DSG4: variants seen among roughly 807,000 people sequenced by gnomAD.
DSG4 encodes the protein desmoglein 4.
DSG4 carries 87 observed loss-of-function variants against 93.1 expected under a neutral mutation model. The ratio of observed to expected loss-of-function variants is 0.93; its 90% CI spans 0.79 to 1.12. DSG4 has a LOEUF of 1.12. DSG4 is among the 50% of genes most tolerant of loss of function. The pLI is 0.00. For missense variants in DSG4, 1,373 were observed against 1,285.7 expected, an observed-to-expected ratio of 1.07 and a Z score of -1.04; for synonymous variants, 432 against 452.9, an observed-to-expected ratio of 0.95 and a Z score of 0.59.
Position 31,413,101 on chromosome 18 carries a change from G to A in DSG4, c.2629G>A (p.Val877Ile). 1 of 1,614,096 alleles carries A rather than the reference G, an allele frequency of 6.2e-7. No homozygotes were observed. Among genetic ancestry groups the A allele is most frequent in the Non-Finnish European group, 8.5e-7 (1 of 1,180,020 alleles). ...CCCTTTGCTCGGACCTAATTACTTT[G>A]TTAATGAATCTTCAGGATTGACTCC... ...DLPLLGPNYF[V>I]NESSGLTPSE... The change falls in exon 16 of 16, where the codon GTT (valine) becomes ATT (isoleucine). Residue 877 changes from valine to isoleucine, a missense_variant. Val to Ile is a conservative substitution (Grantham distance 29, BLOSUM62 3). Coordinates refer to ENST00000308128, the MANE Select transcript of DSG4 (RefSeq NM_177986.5).
intron 8 of DSG4, 144 bp downstream of exon 8, chr18:31,392,484 G>C: frequency 1.1e-6 from 1 of 876,510 alleles, no homozygotes; most frequent in South Asian, 1.5e-5. Flanking sequence ...CTAAGTAACT[G>C]CTATGTCAGT....
At chr18:31,403,691 C>G in intron 11 of DSG4, 57 bp downstream of exon 11, 1 of 1,520,420 alleles carries the variant, frequency 6.6e-7, no homozygotes, top group African/African-American at 1.4e-5. Context: ...AAACAATTAC[C>G]AAAAAATGTG....
chr18:31,394,405 C>G (rs1309690389), intron 8 of DSG4, among the ~76,000 whole-genome samples: 2 of 152,070 alleles, frequency 1.3e-5, no homozygotes, highest in African/African-American at 4.8e-5. Flanking sequence ...TGGAGAAACC[C>G]CATCTCTACT....
intron 15 of DSG4, among the ~76,000 whole-genome samples, chr18:31,411,819 G>T (rs2072497324): frequency 6.6e-6 from 1 of 152,044 alleles, no homozygotes; most frequent in Non-Finnish European, 1.5e-5. Context: ...TGTTTTTGAT[G>T]TCCTTCATGT....
Position 31,413,500 on chromosome 18 carries a change from G to A in DSG4, c.3028G>A (p.Asp1010Asn), listed in dbSNP as rs2072522286. ...TCAAGTGATGCAAATGATGAGTCCA[G>A]ACCTTCCCATAGGCCAAACCGTTGG... is the stretch of plus-strand genomic sequence containing the variant. ...EIQVMQMMSP[D>N]LPIGQTVGST... is the part of the protein sequence containing the mutation. Residue 1010 changes from aspartate (D) to asparagine (N), a missense_variant, in exon 16 of 16, where the codon GAC becomes AAC. Transcript: ENST00000308128. 1 of 1,613,852 alleles carries A rather than the reference G, an allele frequency of 6.2e-7. No individual in the cohort carries two copies. Among genetic ancestry groups the A allele is most frequent in the South Asian group, 1.1e-5 (1 of 91,038 alleles).
At chr18:31,382,606 A>G (rs985275191) in intron 1 of DSG4, among the ~76,000 whole-genome samples, 2 of 152,050 alleles carry the variant, frequency 1.3e-5, no homozygotes, top group Non-Finnish European at 2.9e-5. Context: ...TTTCCTAGAA[A>G]GTGAGGGCTC....
At position 31,383,216 on chromosome 18, in the gene DSG4, A is replaced by G. The variant is rs183728788; in HGVS notation, c.49-1920A>G. The stretch of plus-strand genomic sequence containing the variant: ...TATTTGGATCAGAGTCTGAAACAGG[A>G]AGAAGCCAGGGGATTTGTCCAAAGC... On this transcript the variant is annotated intron_variant, in intron 1 of 15. Transcript: ENST00000308128. Among the ~76,000 whole-genome samples the G allele has an allele frequency of 2.3e-4, 35 of 152,324 alleles. 1 individual carries two copies. In the South Asian group the frequency reaches 5.6e-3, roughly 24 times the overall value.
intron 12 of DSG4, 26 bp from the exon 13 acceptor site, chr18:31,409,426 C>T (rs370780403): frequency 1.2e-6 from 2 of 1,613,888 alleles, no homozygotes; most frequent in Admixed American, 3.3e-5. Flanking sequence ...TGTGTGTTAA[C>T]TCGACATTGT....
intron 4 of DSG4, 129 bp downstream of exon 4, chr18:31,388,651 G>A: frequency 7.4e-7 from 1 of 1,355,708 alleles, no homozygotes; most frequent in Non-Finnish European, 1.0e-6. Context: ...AAGACTTGAA[G>A]GAATGGAAAG....
At chr18:31,380,085 CAG>C (rs2072118054) in intron 1 of DSG4, among the ~76,000 whole-genome samples, 1 of 152,076 alleles carries the variant, frequency 6.6e-6, no homozygotes, top group African/African-American at 2.4e-5. Flanking sequence ...CAAATTCCTG[CAG>C]AGTCCATGGG....
rs1269534218 is a variant in DSG4 at position 31,388,465 on chromosome 18, C to T, written c.315C>T (p.Arg105=). 4 of 1,613,592 alleles carry T rather than the reference C, an allele frequency of 2.5e-6. No individual in the cohort carries two copies. The East Asian group carries it at 6.7e-5, about 27-fold the overall frequency. Reference sequence around the variant, plus strand: ...ATGGGGTATTCACCATTAATCCTCGCACTGGGGAAATTAACATCACTTCAG... The same window carrying T: ...ATGGGGTATTCACCATTAATCCTCGTACTGGGGAAATTAACATCACTTCAG... ...PPYGVFTINP[R]TGEINITSVV... is the part of the protein sequence containing the mutation. Residue 105 remains arginine, a synonymous_variant, in exon 4 of 16, where the codon CGC becomes CGT. Coordinates refer to ENST00000308128, the MANE Select transcript of DSG4 (RefSeq NM_177986.5).
In DSG4 at chr18:31,414,435, G is replaced by T. The variant is rs770059201; in HGVS notation, c.*840G>T. 3 of 152,034 alleles carry T rather than the reference G, an allele frequency of 2.0e-5. No homozygotes were observed. The highest frequency in any genetic ancestry group is 7.2e-5 in the African/African-American group (3 of 41,394). The allele number at this position is 152,034 out of a possible 1,614,324, so 9.4% of individuals were successfully genotyped here. A position where few individuals can be genotyped will look rare whatever the true frequency, so the allele number is the denominator to read the frequency against. On this transcript the variant is annotated 3_prime_UTR_variant, in exon 16 of 16. Transcript: ENST00000308128. ...TTAACCAATTTCATTGACCTGAATC[G>T]TAGAGCTTTCAATTGGCAACCAGAT...
intron 9 of DSG4, 28 bp from the exon 10 acceptor site, chr18:31,400,850 CATG>C (rs746785536): frequency 2.5e-6 from 4 of 1,608,290 alleles, no homozygotes; most frequent in Admixed American, 1.7e-5. Flanking sequence ...TTCATAAAAG[CATG>C]ATAACGAACT....
intron 14 of DSG4, chr18:31,411,027 A>T: frequency 1.4e-6 from 2 of 1,440,718 alleles, no homozygotes; most frequent in Non-Finnish European, 1.9e-6. Context: ...CCCACCACTG[A>T]CTCCCTCTGT....
chr18:31,407,717 G>A (rs1459990801), intron 12 of DSG4, among the ~76,000 whole-genome samples: 1 of 152,208 alleles, frequency 6.6e-6, no homozygotes, highest in African/African-American at 2.4e-5. Context: ...AGGTTTCAAA[G>A]CTATGCAAAG....
chr18:31,393,321 T>C (rs2072269826), intron 8 of DSG4, among the ~76,000 whole-genome samples: 1 of 152,204 alleles, frequency 6.6e-6, no homozygotes, highest in Admixed American at 6.5e-5. Flanking sequence ...TGTGTTACCA[T>C]AAAGTAATAG....
At chr18:31,412,322 C>A (rs543165903) in intron 15 of DSG4, among the ~76,000 whole-genome samples, 4 of 152,046 alleles carry the variant, frequency 2.6e-5, no homozygotes, top group African/African-American at 4.8e-5. Flanking sequence ...AAGGAAAAAC[C>A]GAACTCATGG....
At position 31,413,029 on chromosome 18, in the gene DSG4, G is replaced by C. The variant is rs1208795755; in HGVS notation, c.2557G>C (p.Glu853Gln). ...LAEICLNTEI[E>Q]PFPSHQACIP... ...TGAGATCTGCTTAAACACAGAAATT[G>C]AACCATTTCCTTCACACCAGGCTTG... The change falls in exon 16 of 16, where the codon GAA becomes CAA. Residue 853 changes from glutamate to glutamine, a missense_variant. Transcript: ENST00000308128. 1 of 1,614,092 alleles carries C rather than the reference G, an allele frequency of 6.2e-7. No homozygotes were observed. The highest frequency in any genetic ancestry group is 1.1e-5 in the South Asian group (1 of 91,068).
At chr18:31,381,180 C>G (rs953805611) in intron 1 of DSG4, among the ~76,000 whole-genome samples, 1 of 152,138 alleles carries the variant, frequency 6.6e-6, no homozygotes, top group African/African-American at 2.4e-5. Flanking sequence ...ATATTTCCCA[C>G]CCACATGTTG....
Sources: allele counts gnomAD v4.1 joint callset (sites outside exome capture counted in the v4.1 genomes callset), GRCh38; gene constraint gnomAD v4.1.1; transcripts MANE v1.5; gene names NCBI Gene and HGNC (gene_info 2026-07-23, HGNC 2026-07-21).